Variants in CNTNAP2 observed in about 807,000 individuals in gnomAD.
CNTNAP2 encodes the protein contactin associated protein 2, also known as contactin-associated protein-like 2.
A neutral mutation model predicts 155.2 loss-of-function variants in CNTNAP2; 98 were observed. That is an observed-to-expected ratio of 0.63 (90% confidence interval 0.54 to 0.75). The LOEUF (loss-of-function observed/expected upper bound fraction) is 0.75. Ranked by LOEUF, CNTNAP2 falls within the 30% of genes least tolerant of loss-of-function variation. The pLI is 0.00. For synonymous variants in CNTNAP2, 651 were observed against 631.2 expected (o/e 1.03, Z -0.47); for missense variants, 1,727 against 1,688.1 (o/e 1.02, Z -0.40).
At chr7:147,518,155 A>G (rs1042113290) in intron 11 of CNTNAP2, among the ~76,000 whole-genome samples, 1 of 152,252 alleles carries the variant, frequency 6.6e-6, no homozygotes, top group Non-Finnish European at 1.5e-5. Context: ...AAGATTTTAC[A>G]AAGTATATCT....
chr7:147,696,101 T>C (rs761713864), intron 13 of CNTNAP2, among the ~76,000 whole-genome samples: 1 of 152,198 alleles, frequency 6.6e-6, no homozygotes, highest in Non-Finnish European at 1.5e-5. Flanking sequence ...ACAACACATA[T>C]TGTTAGGTTT....
intron 1 of CNTNAP2, among the ~76,000 whole-genome samples, chr7:146,765,561 A>G (rs913050579): frequency 3.9e-5 from 6 of 152,158 alleles, no homozygotes; most frequent in Admixed American, 6.6e-5. Context: ...GCTGCATGAC[A>G]GATTTTGAGG....
intron 10 of CNTNAP2, among the ~76,000 whole-genome samples, chr7:147,436,646 A>T (rs1797552058): frequency 6.6e-6 from 1 of 152,190 alleles, no homozygotes; most frequent in Non-Finnish European, 1.5e-5. Flanking sequence ...GCTCAACTCC[A>T]CTGAAACAAA....
intron 21 of CNTNAP2, among the ~76,000 whole-genome samples, chr7:148,293,730 G>T (rs17170941): frequency 0.028 from 4,292 of 152,098 alleles, 190 homozygotes; most frequent in African/African-American, 0.095. Flanking sequence ...ATGCTTTCAA[G>T]TTTCAGCTTT....
intron 10 of CNTNAP2, among the ~76,000 whole-genome samples, chr7:147,436,103 A>G (rs528462577): frequency 3.2e-4 from 48 of 152,296 alleles, no homozygotes; most frequent in Non-Finnish European, 6.5e-4. Context: ...CCTACAGAGG[A>G]GCCCCACCTG....
At chr7:146,519,578 C>A (rs111381289) in intron 1 of CNTNAP2, among the ~76,000 whole-genome samples, 4 of 152,044 alleles carry the variant, frequency 2.6e-5, no homozygotes, top group African/African-American at 7.2e-5. Flanking sequence ...TTAAAAAGTT[C>A]TCTTTGCTTT....
In CNTNAP2 at chr7:147,347,461, T is replaced by TATATATATATATATATATGC. The variant is rs1584889473; in HGVS notation, c.1498+47185_1498+47186insATATGCATATATATATATAT. Among the ~76,000 whole-genome samples the TATATATATATATATATATGC allele has an allele frequency of 2.4e-4, 15 of 62,514 alleles. No individual in the cohort carries two copies. The East Asian group carries it at 4.4e-3, about 18-fold the overall frequency. The allele number at this position is 62,514 out of a possible 152,430, so 41.0% of individuals were successfully genotyped here. ...ATATGCATATATATATATATGCATA[T>TATATATATATATATATATGC]ATATATATATATATGCATATATATA... On this transcript the variant is annotated intron_variant, in intron 9 of 23. Transcript: ENST00000361727.
intron 1 of CNTNAP2, among the ~76,000 whole-genome samples, chr7:146,738,087 G>T (rs896492724): frequency 2.0e-5 from 3 of 151,958 alleles, no homozygotes; most frequent in African/African-American, 7.2e-5. Flanking sequence ...TTGTTGAGGA[G>T]CCTCCATCCT....
At chr7:148,249,058 G>A (rs1451599473) in intron 20 of CNTNAP2, among the ~76,000 whole-genome samples, 1 of 152,084 alleles carries the variant, frequency 6.6e-6, no homozygotes, top group Non-Finnish European at 1.5e-5. Context: ...TTTTAAAATT[G>A]GATTGTTTGC....
At position 146,810,531 on chromosome 7, in the gene CNTNAP2, T is replaced by A. The variant is rs114860439; in HGVS notation, c.209-29180T>A. Among the ~76,000 whole-genome samples the A allele has an allele frequency of 1.7e-3, 255 of 152,220 alleles. 1 individual carries two copies. The highest frequency in any genetic ancestry group is 6.1e-3 in the African/African-American group (252 of 41,558). Reference sequence around the variant, plus strand: ...AACTTTACTGATTTAGTTTTCTAGTTATAAAAGGTAAAGTCTTTAGGGTTT... The same window carrying A: ...AACTTTACTGATTTAGTTTTCTAGTAATAAAAGGTAAAGTCTTTAGGGTTT... On this transcript the variant is annotated intron_variant, in intron 2 of 23. Coordinates refer to ENST00000361727, the MANE Select transcript of CNTNAP2 (RefSeq NM_014141.6).
intron 13 of CNTNAP2, among the ~76,000 whole-genome samples, chr7:147,859,974 A>G (rs746457212): frequency 2.6e-5 from 4 of 152,178 alleles, no homozygotes; most frequent in Non-Finnish European, 4.4e-5. Flanking sequence ...AATATTTCGT[A>G]TGGTTTGGCT....
chr7:146,744,226 T>TAAAAA (rs1801770448), intron 1 of CNTNAP2, among the ~76,000 whole-genome samples: 2 of 35,248 alleles, frequency 5.7e-5, no homozygotes, highest in Non-Finnish European at 9.0e-5. Context: ...ACACTCTGTC[T>TAAAAA]CAAAAAAAAA....
chr7:146,752,385 A>T (rs1801920545), intron 1 of CNTNAP2, among the ~76,000 whole-genome samples: 1 of 152,174 alleles, frequency 6.6e-6, no homozygotes, highest in South Asian at 2.1e-4. Flanking sequence ...AGTGATGATA[A>T]GCTTTTTTTC....
intron 2 of CNTNAP2, among the ~76,000 whole-genome samples, chr7:146,793,031 T>C (rs1802702158): frequency 6.6e-6 from 1 of 152,190 alleles, no homozygotes; most frequent in Non-Finnish European, 1.5e-5. Context: ...TATGTTTTAG[T>C]TAAACTAAAA....
At chr7:146,907,174 T>C (rs1296382541) in intron 3 of CNTNAP2, among the ~76,000 whole-genome samples, 2 of 152,124 alleles carry the variant, frequency 1.3e-5, no homozygotes, top group Non-Finnish European at 2.9e-5. Context: ...CTACGTCTGA[T>C]TGGTGTACCT....
At chr7:146,233,734 C>T (rs986592717) in intron 1 of CNTNAP2, among the ~76,000 whole-genome samples, 67 of 151,866 alleles carry the variant, frequency 4.4e-4, no homozygotes, top group African/African-American at 1.4e-3. Flanking sequence ...TTTGTTCTTG[C>T]GATAGTTTAC....
intron 12 of CNTNAP2, among the ~76,000 whole-genome samples, chr7:147,567,029 T>C (rs1800188464): frequency 6.6e-6 from 1 of 152,104 alleles, no homozygotes; most frequent in Non-Finnish European, 1.5e-5. Flanking sequence ...GTGGATGTGG[T>C]GGTGCCACAG....
At chr7:147,615,317 A>G (rs1801265163) in intron 12 of CNTNAP2, among the ~76,000 whole-genome samples, 2 of 135,362 alleles carry the variant, frequency 1.5e-5, no homozygotes, top group African/African-American at 5.4e-5. Context: ...AAAAGACTAC[A>G]TCTCCACCAA....
rs182365010 is a variant in CNTNAP2 at position 148,152,195 on chromosome 7, C to T, written c.2773+4486C>T. 2.0e-5 allele frequency among the ~76,000 whole-genome samples: 3 copies of T among 151,928 alleles called. No individual in the cohort carries two copies. In the East Asian group the frequency reaches 5.9e-4, roughly 30 times the overall value. ...TGCAGTAAATAAAGCGTTTAATTAA[C>T]ACAAGGACAGCCAAGCAGAAGGACT... is the stretch of plus-strand genomic sequence containing the variant. On this transcript the variant is annotated intron_variant, in intron 17 of 23. Transcript: ENST00000361727.
Sources: gnomAD v4.1 joint callset for allele counts (sites outside exome capture counted in the v4.1 genomes callset) on GRCh38, gnomAD v4.1.1 for gene constraint, MANE v1.5 for transcripts, NCBI Gene and HGNC (gene_info 2026-07-23, HGNC 2026-07-21) for gene names.